The following TCF7L1 variants were observed in gnomAD, a reference collection of about 807,000 sequenced individuals.
TCF7L1 encodes transcription factor 7 like 1.
A neutral mutation model predicts 63.7 loss-of-function variants in TCF7L1; 18 were observed. The observed-to-expected ratio is 0.28, with a 90% CI of 0.20 to 0.42. TCF7L1 has a LOEUF of 0.42. TCF7L1 is among the 10% of genes least tolerant of loss of function. The pLI, the probability that TCF7L1 is intolerant of heterozygous loss-of-function variation, is 1.00. For missense variants in TCF7L1, 654 were observed against 779.3 expected, an observed-to-expected ratio of 0.84 and a Z score of 1.91; for synonymous variants, 355 against 340.9, an observed-to-expected ratio of 1.04 and a Z score of -0.46.
chr2:85,301,771 A>G (rs976626346), intron 4 of TCF7L1, among the ~76,000 whole-genome samples: 3 of 152,196 alleles, frequency 2.0e-5, no homozygotes, highest in Non-Finnish European at 2.9e-5. Context: ...CCCTGTTCCC[A>G]GTCCCAGACT....
Position 85,309,230 on chromosome 2 carries a change from G to C in TCF7L1, c.1535G>C (p.Arg512Pro). ...TCCCTCACCACCAAACCAGAAACCC[G>C]GGCCCAGCTGGCTCTCCACTCTGCC... ...PLSLTTKPET[R>P]AQLALHSAAF... is the part of the protein sequence containing the mutation. Residue 512 changes from arginine to proline, a missense_variant, in exon 12 of 12, where the codon CGG becomes CCG. By Grantham distance (103) the Arg-to-Pro change is moderately radical (BLOSUM62 -2). Around this residue, in one of 3 missense-constraint regions of TCF7L1, gnomAD observed 184 missense variants for 204.0 expected, o/e 0.90. Coordinates refer to ENST00000282111, the MANE Select transcript of TCF7L1 (RefSeq NM_031283.3). 6.2e-7 allele frequency: 1 copy of C among 1,613,926 alleles called. No homozygotes were observed. The highest frequency in any genetic ancestry group is 8.5e-7 in the Non-Finnish European group (1 of 1,180,010).
At chr2:85,297,818 C>T (rs575999957) in intron 4 of TCF7L1, among the ~76,000 whole-genome samples, 1 of 152,094 alleles carries the variant, frequency 6.6e-6, no homozygotes, top group Non-Finnish European at 1.5e-5. Context: ...TGACACCTTC[C>T]CTGGTCATCC....
intron 3 of TCF7L1, among the ~76,000 whole-genome samples, chr2:85,172,211 G>A (rs1272889611): frequency 6.6e-6 from 1 of 152,142 alleles, no homozygotes; most frequent in Non-Finnish European, 1.5e-5. Context: ...AGACAATGAT[G>A]TTAGGGCCAT....
chr2:85,155,192 A>T (rs1031202521), intron 3 of TCF7L1, among the ~76,000 whole-genome samples: 1 of 152,170 alleles, frequency 6.6e-6, no homozygotes, highest in African/African-American at 2.4e-5. Context: ...GGGTACTTGG[A>T]GAACTTTTCT....
chr2:85,258,173 T>C (rs917704101), intron 3 of TCF7L1, among the ~76,000 whole-genome samples: 4 of 152,146 alleles, frequency 2.6e-5, no homozygotes, highest in African/African-American at 7.2e-5. Flanking sequence ...ACAGTGTGCC[T>C]CACAGTCCAG....
At chr2:85,233,590 C>T (rs1014517855) in intron 3 of TCF7L1, among the ~76,000 whole-genome samples, 1 of 152,062 alleles carries the variant, frequency 6.6e-6, no homozygotes, top group Non-Finnish European at 1.5e-5. Flanking sequence ...CTGGGATTAC[C>T]AGCGTGAGCC....
At chr2:85,241,431 GTT>G (rs1273488175) in intron 3 of TCF7L1, among the ~76,000 whole-genome samples, 3 of 68,782 alleles carry the variant, frequency 4.4e-5, no homozygotes, top group Non-Finnish European at 9.1e-5. Context: ...GATGCACTTT[GTT>G]TTTGTTTTTT....
At position 85,168,708 on chromosome 2, in the gene TCF7L1, G is replaced by A. The variant is rs574665015; in HGVS notation, c.441+34258G>A. On this transcript the variant is annotated intron_variant, in intron 3 of 11. Transcript: ENST00000282111. ...GCAATCTTGGCTCACTGCAACCTCC[G>A]CCTCCCGGAATCAAGTGATTCTCAT... is the stretch of plus-strand genomic sequence containing the variant. Among the ~76,000 whole-genome samples, 7 of 151,818 alleles carry A rather than the reference G, an allele frequency of 4.6e-5. No homozygotes were observed. The East Asian group carries it at 7.8e-4, about 17-fold the overall frequency.
At chr2:85,183,810 C>T (rs2568203) in intron 3 of TCF7L1, among the ~76,000 whole-genome samples, 31,972 of 152,076 alleles carry the variant, frequency 0.21, 4,214 homozygotes, top group Non-Finnish European at 0.3. Flanking sequence ...GCTCAGGATA[C>T]GGAATGGCTC....
intron 3 of TCF7L1, among the ~76,000 whole-genome samples, chr2:85,187,550 C>G (rs894006165): frequency 1.3e-5 from 2 of 151,918 alleles, no homozygotes; most frequent in African/African-American, 4.8e-5. Context: ...ATTTTTTTCC[C>G]CCTCCTGTAG....
intron 3 of TCF7L1, among the ~76,000 whole-genome samples, chr2:85,245,004 C>A (rs1680427472): frequency 6.6e-6 from 1 of 152,100 alleles, no homozygotes; most frequent in African/African-American, 2.4e-5. Flanking sequence ...GAGATGAGGG[C>A]TGAGAAACAA....
chr2:85,230,390 A>G (rs1322756161), intron 3 of TCF7L1, among the ~76,000 whole-genome samples: 1 of 152,084 alleles, frequency 6.6e-6, no homozygotes, highest in Non-Finnish European at 1.5e-5. Context: ...CTGGAGTGCA[A>G]TGGTGTGATC....
intron 3 of TCF7L1, among the ~76,000 whole-genome samples, chr2:85,172,807 A>G (rs1211938137): frequency 6.6e-6 from 1 of 151,856 alleles, no homozygotes; most frequent in Non-Finnish European, 1.5e-5. Context: ...TCACCTCCTC[A>G]GTGAGGCCTC....
At chr2:85,185,471 G>A (rs978569879) in intron 3 of TCF7L1, among the ~76,000 whole-genome samples, 5 of 152,058 alleles carry the variant, frequency 3.3e-5, no homozygotes, top group Non-Finnish European at 5.9e-5. Flanking sequence ...GAAGAGAGAG[G>A]TTAAATGAGC....
intron 3 of TCF7L1, among the ~76,000 whole-genome samples, chr2:85,223,121 G>A (rs1281565308): frequency 5.3e-5 from 8 of 152,144 alleles, no homozygotes; most frequent in Non-Finnish European, 1.0e-4. Flanking sequence ...TCACTCAGTC[G>A]CCTAGGCTAG....
At position 85,170,315 on chromosome 2, in the gene TCF7L1, C is replaced by G. The variant is rs529232860; in HGVS notation, c.441+35865C>G. ...ATTTTCAACAAAGTGAGCAATCTCA[C>G]TTTGTAAAATCAAGTCAATTTTGGA... is the stretch of plus-strand genomic sequence containing the variant. On this transcript the variant is annotated intron_variant, in intron 3 of 11. Coordinates refer to ENST00000282111, the MANE Select transcript of TCF7L1 (RefSeq NM_031283.3). Among the ~76,000 whole-genome samples the G allele has an allele frequency of 4.6e-5, 7 of 152,236 alleles. No homozygotes were observed. The South Asian group carries it at 1.4e-3, about 32-fold the overall frequency.
intron 3 of TCF7L1, among the ~76,000 whole-genome samples, chr2:85,200,262 A>G (rs1469369460): frequency 6.6e-6 from 1 of 152,166 alleles, no homozygotes; most frequent in East Asian, 1.9e-4. Flanking sequence ...TATTGGGTAT[A>G]CAGTTGACCT....
chr2:85,303,967 T>TCCCCCCCC lies in TCF7L1; in HGVS notation c.736_737insCCCCCCCC (p.His246ProfsTer34). ...CTCTCTCCCGGAGCTGTCGGACAAA[T>TCCCCCCCC]CCCCCACCCCCTCGGCTGGCTCGTC... is the stretch of plus-strand genomic sequence containing the variant. On this transcript the variant is annotated frameshift_variant, in exon 6 of 12. Transcript: ENST00000282111. LOFTEE classifies it high-confidence loss of function. The TCCCCCCCC allele has an allele frequency of 6.2e-7, 1 of 1,610,062 alleles. No homozygotes were observed. The highest frequency in any genetic ancestry group is 2.2e-5 in the East Asian group (1 of 44,670).
intron 3 of TCF7L1, among the ~76,000 whole-genome samples, chr2:85,218,396 T>C (rs528580842): frequency 4.5e-4 from 69 of 152,106 alleles, no homozygotes; most frequent in African/African-American, 1.6e-3. Flanking sequence ...ACTGGGACTA[T>C]AAGCACATGC....
Sources: gnomAD v4.1 joint callset for allele counts (sites outside exome capture counted in the v4.1 genomes callset) on GRCh38, gnomAD v4.1.1 for gene constraint, gnomAD v4.1.1 regional missense constraint, MANE v1.5 for transcripts, NCBI Gene and HGNC (gene_info 2026-07-23, HGNC 2026-07-21) for gene names.